Variants in MAOA observed in about 807,000 individuals in gnomAD.
MAOA encodes the protein amine oxidase [flavin-containing] A.
Under a neutral mutation model 42.0 loss-of-function variants are expected in MAOA, and 6 were observed. That is an observed-to-expected ratio of 0.14 (90% confidence interval 0.08 to 0.28). The LOEUF (loss-of-function observed/expected upper bound fraction) is 0.28. Ranked by LOEUF, MAOA falls within the 10% of genes least tolerant of loss-of-function variation. MAOA has a pLI of 1.00. For missense variants in MAOA, 262 were observed against 422.3 expected (o/e 0.62, Z 3.33); for synonymous variants, 140 against 154.0 (o/e 0.91, Z 0.67).
At chrX:43,721,121 A>G (rs780494073) in intron 5 of MAOA, among the ~76,000 whole-genome samples, 125 of 110,812 alleles carry the variant, frequency 1.1e-3, no homozygotes, top group African/African-American at 4.0e-3. Flanking sequence ...GGGAGATAGG[A>G]AAGGTTGGAT....
At chrX:43,676,800 G>T (rs1027542897) in intron 1 of MAOA, among the ~76,000 whole-genome samples, 2 of 108,491 alleles carry the variant, frequency 1.8e-5, no homozygotes, top group Non-Finnish European at 3.8e-5. Flanking sequence ...TGTGTGTGTA[G>T]TGCCAGGTAG....
intron 1 of MAOA, among the ~76,000 whole-genome samples, chrX:43,658,952 C>T (rs1348490849): frequency 4.5e-5 from 5 of 111,247 alleles, no homozygotes; most frequent in African/African-American, 1.6e-4. Flanking sequence ...ACTTAATAGT[C>T]CCTGTGGCAG....
intron 7 of MAOA, 97 bp downstream of exon 7, chrX:43,731,487 C>G (rs2033880124): frequency 1.0e-6 from 1 of 995,108 alleles, no homozygotes; most frequent in Non-Finnish European, 1.4e-6. Flanking sequence ...ATAATTAATG[C>G]TGACATGTTT....
intron 1 of MAOA, among the ~76,000 whole-genome samples, chrX:43,669,690 C>T (rs2033312891): frequency 9.0e-6 from 1 of 111,432 alleles, no homozygotes; most frequent in Non-Finnish European, 1.9e-5. Flanking sequence ...ACTGTTGTTT[C>T]ACCATTAAGC....
intron 3 of MAOA, among the ~76,000 whole-genome samples, chrX:43,702,929 C>T (rs73470766): frequency 3.2e-3 from 359 of 111,148 alleles, no homozygotes; most frequent in African/African-American, 0.011. Context: ...CTCACACTTG[C>T]GGACCAGCAG....
chrX:43,660,683 T>G (rs1226883821), intron 1 of MAOA, among the ~76,000 whole-genome samples: 1 of 111,951 alleles, frequency 8.9e-6, no homozygotes. Flanking sequence ...GATTTTTCTC[T>G]CCTCTTGTAG....
chrX:43,673,448 C>T (rs867813087), intron 1 of MAOA, among the ~76,000 whole-genome samples: 6 of 109,356 alleles, frequency 5.5e-5, no homozygotes, highest in Admixed American at 3.9e-4. Context: ...TATTTCCTTC[C>T]GTTCTGCTCT....
At chrX:43,656,168 C>T (rs1426101884), upstream of MAOA, 1 of 464,302 alleles carries the variant, frequency 2.2e-6, no homozygotes, top group African/African-American at 2.4e-5. Flanking sequence ...CCTGGGCGCT[C>T]CCGGAGTATC....
At chrX:43,689,449 G>T (rs1384663120) in intron 2 of MAOA, among the ~76,000 whole-genome samples, 1 of 109,298 alleles carries the variant, frequency 9.1e-6, no homozygotes, top group Non-Finnish European at 1.9e-5. Context: ...TCTTCTACTT[G>T]TTCAGAAGTT....
intron 1 of MAOA, among the ~76,000 whole-genome samples, chrX:43,670,808 A>G (rs767416755): frequency 3.9e-4 from 43 of 109,641 alleles, no homozygotes; most frequent in Non-Finnish European, 7.4e-4. Context: ...TCCATGGTGT[A>G]TATGTGCCAC....
chrX:43,739,028 G>A (rs764188325), intron 10 of MAOA, among the ~76,000 whole-genome samples: 38 of 111,393 alleles, frequency 3.4e-4, no homozygotes, highest in East Asian at 1.4e-3. Context: ...TATTTATTGA[G>A]TACCTACTAT....
intron 1 of MAOA, among the ~76,000 whole-genome samples, chrX:43,668,915 T>G (rs1380368633): frequency 1.8e-5 from 2 of 111,853 alleles, no homozygotes; most frequent in Non-Finnish European, 3.8e-5. Flanking sequence ...GGAATTAAGG[T>G]CTTTATAATA....
At chrX:43,676,769 ATGTGTGTG>A (rs761762083) in intron 1 of MAOA, among the ~76,000 whole-genome samples, 1 of 103,351 alleles carries the variant, frequency 9.7e-6, no homozygotes, top group Non-Finnish European at 2.0e-5. Flanking sequence ...CATACAAAAA[ATGTGTGTG>A]TGTGTGTGTG....
chrX:43,727,742 A>G (rs2033850798), intron 5 of MAOA, among the ~76,000 whole-genome samples: 1 of 112,153 alleles, frequency 8.9e-6, no homozygotes, highest in South Asian at 3.7e-4. Flanking sequence ...CTTGGCTAGG[A>G]AAAGGAAATC....
intron 1 of MAOA, among the ~76,000 whole-genome samples, chrX:43,656,820 G>A (rs2033184028): frequency 9.1e-6 from 1 of 109,835 alleles, no homozygotes; most frequent in South Asian, 3.9e-4. Context: ...CTTGTAAGTG[G>A]CTGAACGATT....
rs1238465779 is a variant in MAOA at position 43,691,192 on chromosome X, G to C, written c.169-2099G>C. Among the ~76,000 whole-genome samples, 3 of 110,398 alleles carry C rather than the reference G, an allele frequency of 2.7e-5. No homozygotes were observed. The Admixed American group carries it at 2.9e-4, about 11-fold the overall frequency. On this transcript the variant is annotated intron_variant, in intron 2 of 14. Transcript: ENST00000338702. ...GAGCTTAGGAGCTTGAGATCAGCCT[G>C]AGCAACCCTAACCCTACAAAAAATA... is the stretch of plus-strand genomic sequence containing the variant.
intron 1 of MAOA, among the ~76,000 whole-genome samples, chrX:43,676,769 A>G (rs1201815542): frequency 9.7e-6 from 1 of 103,345 alleles, no homozygotes; most frequent in African/African-American, 3.6e-5. Context: ...CATACAAAAA[A>G]TGTGTGTGTG....
intron 2 of MAOA, among the ~76,000 whole-genome samples, chrX:43,685,312 A>G (rs937499351): frequency 4.5e-5 from 5 of 111,837 alleles, no homozygotes; most frequent in African/African-American, 1.6e-4. Flanking sequence ...TCTGCAACTA[A>G]GCTTTTCCTT....
At position 43,731,253 on chromosome X, in the gene MAOA, G is replaced by A. The variant is rs1280809917; in HGVS notation, c.658G>A (p.Val220Ile). 1.7e-6 allele frequency: 2 copies of A among 1,209,003 alleles called. No individual in the cohort carries two copies. The highest frequency in any genetic ancestry group is 5.9e-5 in the East Asian group (2 of 33,714). ...CCTCCTCCTGTAGGAACGGAAGTTTGTAGGTGGATCTGGTCAAGTGAGCGA... is the reference window on the plus strand; with the variant it reads ...CCTCCTCCTGTAGGAACGGAAGTTTATAGGTGGATCTGGTCAAGTGAGCGA... The part of the protein sequence containing the change: ...VTNGGQERKF[V>I]GGSGQVSERI... The change falls in exon 7 of 15, where the codon GTA becomes ATA. Residue 220 changes from valine to isoleucine, a missense_variant. This residue lies in a region of MAOA where 141 missense variants were observed against 195.6 expected (regional missense o/e 0.72). Coordinates refer to ENST00000338702, the MANE Select transcript of MAOA (RefSeq NM_000240.4).
Sources: allele counts gnomAD v4.1 joint callset (sites outside exome capture counted in the v4.1 genomes callset), GRCh38; gene constraint gnomAD v4.1.1; regional missense constraint gnomAD v4.1.1; transcripts MANE v1.5; gene names NCBI Gene and HGNC (gene_info 2026-07-23, HGNC 2026-07-21).